The following LMNTD1 variants were observed in gnomAD, a reference collection of about 807,000 sequenced individuals.
LMNTD1 encodes lamin tail domain-containing protein 1.
A neutral mutation model predicts 50.9 loss-of-function variants in LMNTD1; 35 were observed. The ratio of observed to expected loss-of-function variants is 0.69; its 90% CI spans 0.53 to 0.91. LMNTD1 has a LOEUF of 0.91. Among genes scored for constraint, LMNTD1 ranks in the 40% least tolerant of loss-of-function variants. The pLI, the probability that LMNTD1 is intolerant of heterozygous loss-of-function variation, is 0.00. For synonymous variants in LMNTD1, 153 were observed against 161.9 expected (o/e 0.94, Z 0.42); for missense variants, 470 against 475.5 (o/e 0.99, Z 0.11).
At chr12:25,637,864 T>C (rs1378192230) in intron 1 of LMNTD1, among the ~76,000 whole-genome samples, 2 of 151,842 alleles carry the variant, frequency 1.3e-5, no homozygotes, top group Non-Finnish European at 2.9e-5. Flanking sequence ...ATCAAAACCA[T>C]ATTAAGAAGC....
At chr12:25,619,291 T>C (rs1404668490) in intron 1 of LMNTD1, among the ~76,000 whole-genome samples, 2 of 149,278 alleles carry the variant, frequency 1.3e-5, no homozygotes. Context: ...TATAGCTAAC[T>C]AGTTTTCCAA....
At chr12:25,539,149 A>T (rs1281232689) in intron 4 of LMNTD1, among the ~76,000 whole-genome samples, 1 of 146,598 alleles carries the variant, frequency 6.8e-6, no homozygotes, top group Non-Finnish European at 1.5e-5. Context: ...CCCACTGTCA[A>T]CATTAGACAG....
chr12:25,519,586 T>TAAA lies in LMNTD1; in HGVS notation c.1016+271_1016+272insTTT, dbSNP rs781742784. On this transcript the variant is annotated intron_variant, in intron 7 of 9. Coordinates refer to ENST00000458174, the MANE Select transcript of LMNTD1 (RefSeq NM_001145728.2). ...CTGGGTGACAGAGCGAGACTCTGTC[T>TAAA]CAAAAAAAAAAAAAAAAAAAAAGTG... Among the ~76,000 whole-genome samples, 56 of 74,934 alleles carry TAAA rather than the reference T, an allele frequency of 7.5e-4. 5 individuals are homozygous for TAAA. Among genetic ancestry groups the TAAA allele is most frequent in the East Asian group, 2.0e-3 (4 of 1,988 alleles). The allele number at this position is 74,934 out of a possible 152,430, so 49.2% of individuals were successfully genotyped here. A position where few individuals can be genotyped will look rare whatever the true frequency, so the allele number is the denominator to read the frequency against.
chr12:25,538,701 A>G (rs920276517), intron 4 of LMNTD1, among the ~76,000 whole-genome samples: 10 of 118,610 alleles, frequency 8.4e-5, no homozygotes, highest in African/African-American at 3.0e-4. Context: ...TCATAATGAC[A>G]GGATCAAATT....
chr12:25,493,063 C>T (rs947702178), intron 9 of LMNTD1, among the ~76,000 whole-genome samples: 4 of 152,136 alleles, frequency 2.6e-5, no homozygotes. Flanking sequence ...CTCCTTGGCA[C>T]CTATCTGCAA....
intron 1 of LMNTD1, among the ~76,000 whole-genome samples, chr12:25,600,399 T>C (rs1945939244): frequency 6.6e-6 from 1 of 151,922 alleles, no homozygotes; most frequent in African/African-American, 2.4e-5. Context: ...CAAAAATTTC[T>C]TGAGTAATAT....
chr12:25,523,816 T>TAAAA (rs745735879), intron 6 of LMNTD1, among the ~76,000 whole-genome samples: 1 of 80,612 alleles, frequency 1.2e-5, no homozygotes, highest in Non-Finnish European at 2.7e-5. Context: ...GTGACTCAGG[T>TAAAA]AAAAAAAAAA....
intron 1 of LMNTD1, among the ~76,000 whole-genome samples, chr12:25,563,136 C>G (rs1944407044): frequency 6.6e-6 from 1 of 152,380 alleles, no homozygotes; most frequent in African/African-American, 2.4e-5. Flanking sequence ...AAGCCTTCTT[C>G]TGTCAACTTG....
chr12:25,575,677 T>A (rs1412035148), intron 1 of LMNTD1, among the ~76,000 whole-genome samples: 1 of 89,242 alleles, frequency 1.1e-5, no homozygotes. Context: ...GCAAGAACCC[T>A]AGCTCTATTT....
chr12:25,637,834 T>C (rs1946868391), intron 1 of LMNTD1, among the ~76,000 whole-genome samples: 1 of 151,916 alleles, frequency 6.6e-6, no homozygotes, highest in East Asian at 1.9e-4. Flanking sequence ...AAAATATCAT[T>C]AATCATTAGG....
intron 6 of LMNTD1, among the ~76,000 whole-genome samples, chr12:25,520,930 G>A (rs899637767): frequency 6.6e-6 from 1 of 152,168 alleles, no homozygotes; most frequent in Non-Finnish European, 1.5e-5. Context: ...AGCTCATAAC[G>A]ATTTTAATTT....
Position 25,597,530 on chromosome 12 carries a change from T to C in LMNTD1, c.58+50964A>G, listed in dbSNP as rs915864991. 3.9e-5 allele frequency among the ~76,000 whole-genome samples: 6 copies of C among 152,182 alleles called. No individual in the cohort carries two copies. In the South Asian group the frequency reaches 1.0e-3, roughly 26 times the overall value. On this transcript the variant is annotated intron_variant, in intron 1 of 7. Coordinates refer to the LMNTD1 transcript ENST00000445693. ...AAGCAAATATTATTAAAGAGAGAGA[T>C]AGACTCCAATACAATAATAGCTGGA...
chr12:25,478,194 A>C (rs1938333816), intron 9 of LMNTD1, among the ~76,000 whole-genome samples: 1 of 152,126 alleles, frequency 6.6e-6, no homozygotes, highest in South Asian at 2.1e-4. Flanking sequence ...TCAAGTTGAC[A>C]CTCAGTATTA....
chr12:25,543,625 T>A (rs1402089350), intron 4 of LMNTD1, among the ~76,000 whole-genome samples: 2 of 151,652 alleles, frequency 1.3e-5, no homozygotes, highest in African/African-American at 4.8e-5. Flanking sequence ...TTCTACTAAT[T>A]TTCAGTTTGT....
intron 2 of LMNTD1, among the ~76,000 whole-genome samples, chr12:25,551,231 C>A (rs908090180): frequency 6.6e-6 from 1 of 152,146 alleles, no homozygotes; most frequent in Non-Finnish European, 1.5e-5. Flanking sequence ...TTTATAAGAT[C>A]TCAATTTTTT....
At chr12:25,600,123 G>C (rs1383530197) in intron 1 of LMNTD1, among the ~76,000 whole-genome samples, 1 of 151,978 alleles carries the variant, frequency 6.6e-6, no homozygotes, top group Admixed American at 6.6e-5. Context: ...AAATAGGATA[G>C]AGAGCTGAAA....
At chr12:25,628,107 C>CAAAAAAAA (rs58780549) in intron 1 of LMNTD1, among the ~76,000 whole-genome samples, 1 of 52,450 alleles carries the variant, frequency 1.9e-5, no homozygotes, top group African/African-American at 8.4e-5. Context: ...AACTCCGTCT[C>CAAAAAAAA]AAAAAAAAAA....
At chr12:25,557,927 T>A (rs1944109291), upstream of LMNTD1, among the ~76,000 whole-genome samples, 1 of 152,224 alleles carries the variant, frequency 6.6e-6, no homozygotes, top group African/African-American at 2.4e-5. Context: ...CAATTTGAAT[T>A]GAGAAATTCT....
Position 25,608,486 on chromosome 12 carries a change from A to G in LMNTD1, c.58+40008T>C, listed in dbSNP as rs1000583583. On this transcript the variant is annotated intron_variant, in intron 1 of 7. Transcript: ENST00000445693. Reference sequence around the variant, plus strand: ...TGACTGGTACTGGTTGTTCTTTTCCATGTTTAGTGCTCCCTTCAGGAGCTC... The same window carrying G: ...TGACTGGTACTGGTTGTTCTTTTCCGTGTTTAGTGCTCCCTTCAGGAGCTC... Among the ~76,000 whole-genome samples the G allele has an allele frequency of 4.6e-5, 7 of 152,118 alleles. No homozygotes were observed. In the East Asian group the frequency reaches 9.7e-4, roughly 21 times the overall value.
Sources: allele counts gnomAD v4.1 joint callset (sites outside exome capture counted in the v4.1 genomes callset), GRCh38; gene constraint gnomAD v4.1.1; transcripts MANE v1.5; gene names NCBI Gene and HGNC (gene_info 2026-07-23, HGNC 2026-07-21).